UBXN4: variants seen among roughly 807,000 people sequenced by gnomAD.
The protein encoded by UBXN4 is UBX domain-containing protein 4.
In UBXN4, 35 loss-of-function variants were observed where a neutral mutation model predicts 66.2. That is an observed-to-expected ratio of 0.53 (90% CI 0.40 to 0.70). The LOEUF is 0.70. Ranked by LOEUF, UBXN4 falls within the 30% of genes least tolerant of loss-of-function variation. UBXN4 has a pLI of 0.00. For missense variants in UBXN4, 533 were observed against 599.8 expected (o/e 0.89, Z 1.16); for synonymous variants, 203 against 204.5 (o/e 0.99, Z 0.06).
chr2:135,773,230 T>A (rs551836034), intron 9 of UBXN4, among the ~76,000 whole-genome samples: 4 of 152,196 alleles, frequency 2.6e-5, no homozygotes, highest in African/African-American at 4.8e-5. Context: ...CAAGGGTGAA[T>A]TTGGTTAGGC....
intron 5 of UBXN4, among the ~76,000 whole-genome samples, chr2:135,757,514 A>G (rs2077285611): frequency 6.6e-6 from 1 of 152,160 alleles, no homozygotes; most frequent in Non-Finnish European, 1.5e-5. Flanking sequence ...TTTGTCTGAC[A>G]GTTTCAATAT....
chr2:135,784,647 A>G lies in UBXN4; in HGVS notation c.*1760A>G, dbSNP rs2077472304. On this transcript the variant is annotated 3_prime_UTR_variant, in exon 13 of 13. Transcript: ENST00000272638. ...CATCTCATTTAAATAAAGGTTTGTC[A>G]TCTTTAAAAATACAGCAATATGTGA... 6.6e-6 allele frequency: 1 copy of G among 152,624 alleles called. No individual in the cohort carries two copies. The highest frequency in any genetic ancestry group is 2.1e-4 in the South Asian group (1 of 4,832). 9.5% of individuals were successfully genotyped at this position (152,624 alleles called of 1,614,324 possible).
intron 6 of UBXN4, 39 bp from the exon 7 acceptor site, chr2:135,769,730 G>A (rs1575321456): frequency 5.0e-6 from 7 of 1,395,672 alleles, no homozygotes; most frequent in African/African-American, 1.5e-5. Flanking sequence ...TTAATATGAT[G>A]TGTCTCAATT....
chr2:135,743,995 T>C (rs986956702), intron 1 of UBXN4, among the ~76,000 whole-genome samples: 1 of 152,202 alleles, frequency 6.6e-6, no homozygotes, highest in East Asian at 1.9e-4. Flanking sequence ...GTCTGTCCCT[T>C]GACCTGTTCC....
chr2:135,780,255 T>A lies in UBXN4; in HGVS notation c.1258T>A (p.Tyr420Asn). 6.2e-7 allele frequency: 1 copy of A among 1,614,192 alleles called. No individual in the cohort carries two copies. The highest frequency in any genetic ancestry group is 8.5e-7 in the Non-Finnish European group (1 of 1,180,036). The change falls in exon 12 of 13, where the codon TAT (tyrosine) becomes AAT (asparagine). Residue 420 changes from tyrosine (Y) to asparagine (N), a missense_variant. By Grantham distance (143) the Tyr-to-Asn change is moderately radical. Transcript: ENST00000272638. ...TTGGACCTTGTTGGGAACAGTGCTT[T>A]ATCCATTCCTTGCCATCTGGAGATT... is the stretch of plus-strand genomic sequence containing the variant. ...DIWTLLGTVLYPFLAIWRLIS... is the reference protein window; with the variant it reads ...DIWTLLGTVLNPFLAIWRLIS...
At chr2:135,780,775 G>A (rs2077444685) in intron 12 of UBXN4, among the ~76,000 whole-genome samples, 1 of 152,254 alleles carries the variant, frequency 6.6e-6, no homozygotes, top group Middle Eastern at 3.4e-3. Context: ...ATTACTGTAG[G>A]TGAACTACTC....
rs538754344 is a variant in UBXN4, at chr2:135,756,459, A to T, written c.508+768A>T. ...ATATTGAGCTGAAATTTGATGCCCCATAACTTCCTGTTAACATTAATGCTG... is the reference window on the plus strand; with the variant it reads ...ATATTGAGCTGAAATTTGATGCCCCTTAACTTCCTGTTAACATTAATGCTG... On this transcript the variant is annotated intron_variant, in intron 5 of 12. Transcript: ENST00000272638. Among the ~76,000 whole-genome samples the T allele has an allele frequency of 2.6e-5, 4 of 152,312 alleles. No homozygotes were observed. In the East Asian group the frequency reaches 7.7e-4, roughly 29 times the overall value.
intron 5 of UBXN4, among the ~76,000 whole-genome samples, chr2:135,759,639 G>A (rs1281759296): frequency 2.0e-5 from 3 of 152,210 alleles, no homozygotes; most frequent in Non-Finnish European, 4.4e-5. Flanking sequence ...TTTCTCTCAG[G>A]AGATACATTA....
chr2:135,751,859 GTT>G (rs2077244206), intron 2 of UBXN4, among the ~76,000 whole-genome samples: 2 of 151,864 alleles, frequency 1.3e-5, no homozygotes, highest in African/African-American at 4.8e-5. Flanking sequence ...AGAAGCATTT[GTT>G]TGATTATTGG....
At chr2:135,746,473 T>G (rs1416711391) in intron 1 of UBXN4, among the ~76,000 whole-genome samples, 1 of 152,152 alleles carries the variant, frequency 6.6e-6, no homozygotes, top group Non-Finnish European at 1.5e-5. Flanking sequence ...GTGAAAGTAA[T>G]ACAGAAAAAC....
At chr2:135,746,617 G>A (rs1020660766) in intron 1 of UBXN4, among the ~76,000 whole-genome samples, 1 of 152,186 alleles carries the variant, frequency 6.6e-6, no homozygotes, top group Admixed American at 6.5e-5. Context: ...AGTTTTAAGG[G>A]AGTTGGAAGT....
chr2:135,782,807 A>G lies in UBXN4; in HGVS notation c.1447A>G (p.Lys483Glu). 1.2e-6 allele frequency: 2 copies of G among 1,614,068 alleles called. No individual in the cohort carries two copies. Among genetic ancestry groups the G allele is most frequent in the Non-Finnish European group, 8.5e-7 (1 of 1,179,950 alleles). ...KRGDDFKKEGKIYRLRTQDDG... is the reference protein window; with the variant it reads ...KRGDDFKKEGEIYRLRTQDDG... Reference sequence around the variant, plus strand: ...TGGAGACGACTTTAAAAAGGAGGGGAAAATTTATAGATTAAGGACTCAAGA... The same window carrying G: ...TGGAGACGACTTTAAAAAGGAGGGGGAAATTTATAGATTAAGGACTCAAGA... The change falls in exon 13 of 13, where the codon AAA becomes GAA. Residue 483 changes from lysine to glutamate, a missense_variant. Transcript: ENST00000272638.
At chr2:135,751,055 C>T (rs1402447425) in intron 2 of UBXN4, among the ~76,000 whole-genome samples, 4 of 138,370 alleles carry the variant, frequency 2.9e-5, no homozygotes, top group Admixed American at 1.5e-4. Flanking sequence ...TTAGTAGAGA[C>T]GGGGTTTCAC....
rs2077274224 is a variant in UBXN4 at position 135,755,525 on chromosome 2, G to A, written c.342G>A (p.Leu114=). 1.9e-6 allele frequency: 3 copies of A among 1,578,738 alleles called. No homozygotes were observed. The highest frequency in any genetic ancestry group is 1.8e-5 in the Admixed American group (1 of 56,122). The change falls in exon 5 of 13, where the codon TTG becomes TTA. Residue 114 remains leucine, a synonymous_variant. Coordinates refer to ENST00000272638, the MANE Select transcript of UBXN4 (RefSeq NM_014607.4). ...ATTTATTTTCTGCCTAGATGCATTTGCTAAAAAGTGAAACATCAGTAGCAA... is the reference window on the plus strand; with the variant it reads ...ATTTATTTTCTGCCTAGATGCATTTACTAAAAAGTGAAACATCAGTAGCAA... ...TRIHKVRQMH[L]LKSETSVANG... is the part of the protein sequence containing the mutation.
At chr2:135,763,170 C>T (rs1440837679) in intron 6 of UBXN4, among the ~76,000 whole-genome samples, 1 of 152,170 alleles carries the variant, frequency 6.6e-6, no homozygotes, top group East Asian at 1.9e-4. Flanking sequence ...ATGACAATAA[C>T]TAATAACACC....
At chr2:135,742,181 G>C (rs1388542042) in intron 1 of UBXN4, among the ~76,000 whole-genome samples, 170 bp downstream of exon 1, 2 of 152,164 alleles carry the variant, frequency 1.3e-5, no homozygotes, top group East Asian at 3.9e-4. Context: ...TCCGCCGCCA[G>C]ATCCCCCAGA....
At chr2:135,770,545 A>G in intron 7 of UBXN4, 26 bp from the exon 8 acceptor site, 1 of 1,379,886 alleles carries the variant, frequency 7.2e-7, no homozygotes, top group Non-Finnish European at 9.5e-7. Flanking sequence ...AAGTTTTTGG[A>G]TCATAAAACT....
chr2:135,777,275 C>T (rs1455182955), intron 10 of UBXN4, among the ~76,000 whole-genome samples: 1 of 152,122 alleles, frequency 6.6e-6, no homozygotes, highest in Admixed American at 6.5e-5. Context: ...GTTCTAGGCT[C>T]ATTATATGTA....
intron 8 of UBXN4, among the ~76,000 whole-genome samples, chr2:135,771,796 C>A (rs1276473980): frequency 4.6e-5 from 7 of 152,226 alleles, no homozygotes; most frequent in South Asian, 4.1e-4. Context: ...CTCCTGACCT[C>A]AGGTGATCCA....
Sources: allele counts gnomAD v4.1 joint callset (sites outside exome capture counted in the v4.1 genomes callset), GRCh38; gene constraint gnomAD v4.1.1; transcripts MANE v1.5; gene names NCBI Gene and HGNC (gene_info 2026-07-23, HGNC 2026-07-21).